Variants in PWWP3A observed in about 807,000 individuals in gnomAD.
The protein encoded by PWWP3A is PWWP domain containing 3A, DNA repair factor, also known as PWWP domain-containing DNA repair factor 3A.
PWWP3A carries 53 observed loss-of-function variants against 79.0 expected under a neutral mutation model. That is an observed-to-expected ratio of 0.67 (90% confidence interval 0.54 to 0.84). The LOEUF (loss-of-function observed/expected upper bound fraction) is 0.84, where lower values mean the gene tolerates loss of function less well. PWWP3A is among the 40% of genes least tolerant of loss of function. The pLI is 0.00. For synonymous variants in PWWP3A, 443 were observed against 394.4 expected (o/e 1.12, Z -1.46); for missense variants, 973 against 948.0 (o/e 1.03, Z -0.35).
chr19:1,373,947 G>A (rs1044730819), intron 13 of PWWP3A: 1 of 152,302 alleles, frequency 6.6e-6, no homozygotes, highest in Non-Finnish European at 1.5e-5. Flanking sequence ...GCCTTGTTTA[G>A]GGAGTGTTGG....
At position 1,373,221 on chromosome 19, in the gene PWWP3A, C is replaced by G. The variant is rs959857641; in HGVS notation, c.2075+61C>G. On this transcript the variant is annotated intron_variant, in intron 13 of 13. Coordinates refer to ENST00000591337, the MANE Select transcript of PWWP3A (RefSeq NM_001369789.1). ...GTCTCTGCCTTGCAGTTTCTATTTC[C>G]ACACCCACAGGCAGTTTGACTCCAG... 3 of 1,474,138 alleles carry G rather than the reference C, an allele frequency of 2.0e-6. No individual in the cohort carries two copies. In the African/African-American group the frequency reaches 4.1e-5, roughly 20 times the overall value. 91.3% of individuals were successfully genotyped at this position (1,474,138 alleles called of 1,614,324 possible). A position where few individuals can be genotyped will look rare whatever the true frequency, so the allele number is the denominator to read the frequency against.
rs1170792968 is a variant in PWWP3A, at chr19:1,360,591, A to C, written c.670A>C (p.Lys224Gln). 6.2e-7 allele frequency: 1 copy of C among 1,614,096 alleles called. No individual in the cohort carries two copies. Among genetic ancestry groups the C allele is most frequent in the Admixed American group, 1.7e-5 (1 of 60,006 alleles). The stretch of plus-strand genomic sequence containing the variant: ...TAAGAGGGGAGGAAACTCAGCGCAG[A>C]AGGCTAGCTTGTGCCTGAATGGATC... ...ASKRGGNSAQ[K>Q]ASLCLNGSSL... Residue 224 changes from lysine to glutamine, a missense_variant, in exon 5 of 14, where the codon AAG becomes CAG. Coordinates refer to ENST00000591337, the MANE Select transcript of PWWP3A (RefSeq NM_001369789.1). This position sits in a 1 kb window ranked among gnomAD's most constrained non-coding sequence, Gnocchi z 4.4.
intron 13 of PWWP3A, among the ~76,000 whole-genome samples, chr19:1,375,585 GTA>G (rs1201541387): frequency 8.0e-5 from 1 of 12,466 alleles, no homozygotes; most frequent in Non-Finnish European, 2.0e-4. Context: ...TATATAAAAT[GTA>G]TAATTTTATA....
At chr19:1,371,385 C>G (rs555492408) in intron 12 of PWWP3A, 1 of 703,094 alleles carries the variant, frequency 1.4e-6, no homozygotes, top group Non-Finnish European at 2.6e-6. Context: ...TTCCCAGCCT[C>G]GGTGGGTCAG....
At position 1,360,704 on chromosome 19, in the gene PWWP3A, G is replaced by A. The variant is rs2081992015; in HGVS notation, c.783G>A (p.Glu261=). The A allele has an allele frequency of 6.2e-7, 1 of 1,613,518 alleles. No homozygotes were observed. Among genetic ancestry groups the A allele is most frequent in the Non-Finnish European group, 8.5e-7 (1 of 1,179,890 alleles). Residue 261 remains glutamate (E), a synonymous_variant, in exon 5 of 14, where the codon GAG becomes GAA. Coordinates refer to ENST00000591337, the MANE Select transcript of PWWP3A (RefSeq NM_001369789.1). This position sits in a 1 kb window ranked among gnomAD's most constrained non-coding sequence, Gnocchi z 4.4. ...CGTCCTTGCCCTCCGGGGTCAGGGA[G>A]GACGATCCCTGTGCCAACGCTGAGG... The part of the protein sequence containing the change: ...AAPSLPSGVR[E]DDPCANAEGH...
rs189113809 is a variant in PWWP3A, at chr19:1,369,158, G to C, written c.1423-107G>C. On this transcript the variant is annotated intron_variant, in intron 9 of 13. Transcript: ENST00000591337. This position sits in a 1 kb window ranked among gnomAD's most constrained non-coding sequence, Gnocchi z 4.0. ...GAGGGTCAGAGGTGCGGGCTGGAGCGTGAGCAGCCTGGACACCTGGCTGGT... is the reference window on the plus strand; with the variant it reads ...GAGGGTCAGAGGTGCGGGCTGGAGCCTGAGCAGCCTGGACACCTGGCTGGT... The C allele has an allele frequency of 2.0e-6, 2 of 989,018 alleles. No individual in the cohort carries two copies. Among genetic ancestry groups the C allele is most frequent in the South Asian group, 2.8e-5 (2 of 71,730 alleles). The allele number at this position is 989,018 out of a possible 1,614,324, so 61.3% of individuals were successfully genotyped here.
intron 12 of PWWP3A, 75 bp downstream of exon 12, chr19:1,371,153 C>T (rs1190242058): frequency 1.3e-5 from 20 of 1,486,012 alleles, no homozygotes; most frequent in Non-Finnish European, 1.7e-5. Context: ...CACGAGGAGG[C>T]TGCCACGGTC....
At chr19:1,370,029 A>G (rs1191037881) in intron 11 of PWWP3A, among the ~76,000 whole-genome samples, 1 of 152,240 alleles carries the variant, frequency 6.6e-6, no homozygotes, top group Admixed American at 6.5e-5. Flanking sequence ...CAGGAGTTCA[A>G]GACTAGCTTG....
rs1350699607 is a variant in PWWP3A, at chr19:1,376,291, G to GTTTTTTTTTTTTTTTTTTTTTTT, written c.2076-225_2076-224insTTTTTTTTTTTTTTTTTTTTTTT. Reference sequence around the variant, plus strand: ...CAGACATGCGCCACCACGCCCGGCTGTTTGTTTTTTTTTTTGTTTGTTTTT... The same window carrying GTTTTTTTTTTTTTTTTTTTTTTT: ...CAGACATGCGCCACCACGCCCGGCTGTTTTTTTTTTTTTTTTTTTTTTTTTTGTTTTTTTTTTTGTTTGTTTTT... On this transcript the variant is annotated intron_variant, in intron 13 of 13. Transcript: ENST00000591337. 3.5e-4 allele frequency among the ~76,000 whole-genome samples: 18 copies of GTTTTTTTTTTTTTTTTTTTTTTT among 50,858 alleles called. 3 individuals carry two copies. The highest frequency in any genetic ancestry group is 5.2e-4 in the African/African-American group (7 of 13,484). The allele number at this position is 50,858 out of a possible 152,430, so 33.4% of individuals were successfully genotyped here. A position where few individuals can be genotyped will look rare whatever the true frequency, so the allele number is the denominator to read the frequency against.
At position 1,360,873 on chromosome 19, in the gene PWWP3A, C is replaced by A; in HGVS notation, c.952C>A (p.Pro318Thr). The change falls in exon 5 of 14, where the codon CCC becomes ACC. Residue 318 changes from proline (P) to threonine (T), a missense_variant. By Grantham distance (38) the Pro-to-Thr change is conservative (BLOSUM62 -1). Coordinates refer to ENST00000591337, the MANE Select transcript of PWWP3A (RefSeq NM_001369789.1). The surrounding 1 kb of genome is among the most constrained non-coding windows in gnomAD (Gnocchi z 4.4). ...SQRPPAVQLE[P>T]MAAGAAPSPG... ...AAGGCCGCCTGCCGTGCAGCTGGAGCCCATGGCAGCAGGGGCCGCACCATC... is the reference window on the plus strand; with the variant it reads ...AAGGCCGCCTGCCGTGCAGCTGGAGACCATGGCAGCAGGGGCCGCACCATC... 2 of 1,546,900 alleles carry A rather than the reference C, an allele frequency of 1.3e-6. No individual in the cohort carries two copies. Among genetic ancestry groups the A allele is most frequent in the Non-Finnish European group, 1.7e-6 (2 of 1,146,096 alleles).
At position 1,375,566 on chromosome 19, in the gene PWWP3A, A is replaced by AATATAATTTTATATATTGT. The variant is rs2082360014; in HGVS notation, c.2076-948_2076-947insATTTTATATATTGTATATA. On this transcript the variant is annotated intron_variant, in intron 13 of 13. Coordinates refer to ENST00000591337, the MANE Select transcript of PWWP3A (RefSeq NM_001369789.1). Reference sequence around the variant, plus strand: ...TATATAAAATATATATTATATATAAAATATATTATATATAAAATGTATAAT... The same window carrying AATATAATTTTATATATTGT: ...TATATAAAATATATATTATATATAAAATATAATTTTATATATTGTATATATTATATATAAAATGTATAAT... Among the ~76,000 whole-genome samples the AATATAATTTTATATATTGT allele has an allele frequency of 3.6e-3, 290 of 81,264 alleles. 1 individual carries two copies. The highest frequency in any genetic ancestry group is 0.016 in the Middle Eastern group (2 of 128). The allele number at this position is 81,264 out of a possible 152,430, so 53.3% of individuals were successfully genotyped here.
intron 4 of PWWP3A, chr19:1,358,937 G>A: frequency 2.9e-6 from 1 of 347,952 alleles, no homozygotes; most frequent in South Asian, 2.2e-5. Context: ...GCCTGGCACT[G>A]GGGTTGGTGG....
intron 4 of PWWP3A, chr19:1,359,111 A>T (rs1404387010): frequency 9.3e-6 from 2 of 214,250 alleles, no homozygotes; most frequent in Non-Finnish European, 2.0e-5. Flanking sequence ...CCAGCCGGGG[A>T]CTGGTCATGC....
In PWWP3A at chr19:1,373,138, A is replaced by G; in HGVS notation, c.2053A>G (p.Lys685Glu). 6.2e-7 allele frequency: 1 copy of G among 1,614,210 alleles called. No individual in the cohort carries two copies. The highest frequency in any genetic ancestry group is 8.5e-7 in the Non-Finnish European group (1 of 1,180,028). The change falls in exon 13 of 14, where the codon AAG (lysine) becomes GAG (glutamate). Residue 685 changes from lysine to glutamate, a missense_variant. Lys to Glu is a moderately conservative substitution (Grantham distance 56). Coordinates refer to ENST00000591337, the MANE Select transcript of PWWP3A (RefSeq NM_001369789.1). ...DYKTAEEKYI[K>E]GPSLSYREKE... is the part of the protein sequence containing the mutation. ...CAAGACGGCTGAGGAGAAGTACATC[A>G]AGGGGCCTTCGCTGAGCTACCGGTA...
At chr19:1,358,201 A>AC in intron 3 of PWWP3A, 193 bp from the exon 4 acceptor site, 12 of 498,360 alleles carry the variant, frequency 2.4e-5, no homozygotes, top group South Asian at 7.7e-5. Context: ...AAAAAAAAAA[A>AC]AAACCATTCA....
chr19:1,358,702 T>C, intron 4 of PWWP3A: 6 of 1,514,988 alleles, frequency 4.0e-6, no homozygotes, highest in Non-Finnish European at 5.3e-6. Context: ...TGGTCAGTGG[T>C]GAGCATCAAG....
Position 1,370,807 on chromosome 19 carries a change from A to G in PWWP3A, c.1715A>G (p.Asn572Ser), listed in dbSNP as rs779142510. Reference protein sequence around the residue: ...DRSRAARDRANQKLVEYIVKA... With the variant: ...DRSRAARDRASQKLVEYIVKA... The stretch of plus-strand genomic sequence containing the variant: ...TCGCGGGCCGCCCGGGACCGGGCCA[A>G]CCAGAAGCTGGTGGAGTACATTGTG... Residue 572 changes from asparagine to serine, a missense_variant, in exon 12 of 14, where the codon AAC becomes AGC. Transcript: ENST00000591337. 51 of 1,565,334 alleles carry G rather than the reference A, an allele frequency of 3.3e-5. No individual in the cohort carries two copies. Among genetic ancestry groups the G allele is most frequent in the Non-Finnish European group, 3.9e-5 (45 of 1,154,266 alleles).
chr19:1,370,877 C>G lies in PWWP3A; in HGVS notation c.1785C>G (p.Ser595Arg). 1 of 1,558,018 alleles carries G rather than the reference C, an allele frequency of 6.4e-7. No individual in the cohort carries two copies. Among genetic ancestry groups the G allele is most frequent in the Non-Finnish European group, 8.7e-7 (1 of 1,150,612 alleles). The change falls in exon 12 of 14, where the codon AGC becomes AGG. Residue 595 changes from serine (S) to arginine (R), a missense_variant. Coordinates refer to ENST00000591337, the MANE Select transcript of PWWP3A (RefSeq NM_001369789.1). The part of the protein sequence containing the change: ...AESHLRAILK[S>R]RKPSRWLQTF... ...GCCACCTGCGGGCCATCCTAAAGAG[C>G]AGGAAGCCATCTCGCTGGCTGCAGA...
At chr19:1,365,344 G>GT in intron 7 of PWWP3A, among the ~76,000 whole-genome samples, 2 of 152,382 alleles carry the variant, frequency 1.3e-5, no homozygotes, top group South Asian at 4.1e-4. Context: ...CAGGTCATTG[G>GT]TTTGGGTGCT....
Sources: gnomAD v4.1 joint callset for allele counts (sites outside exome capture counted in the v4.1 genomes callset) on GRCh38, gnomAD v4.1.1 for gene constraint, Gnocchi (gnomAD v3.1) non-coding constraint, MANE v1.5 for transcripts, NCBI Gene and HGNC (gene_info 2026-07-23, HGNC 2026-07-21) for gene names.